FAM234B: variants seen among roughly 807,000 people sequenced by gnomAD.
FAM234B encodes protein FAM234B.
A neutral mutation model predicts 69.3 loss-of-function variants in FAM234B; 33 were observed. The ratio of observed to expected loss-of-function variants is 0.48; its 90% confidence interval spans 0.36 to 0.64. FAM234B has a LOEUF of 0.64. Among genes scored for constraint, FAM234B ranks in the 30% least tolerant of loss-of-function variants. FAM234B has a pLI of 0.00. For missense variants in FAM234B, 697 were observed against 769.7 expected (o/e 0.91, Z 1.12); for synonymous variants, 306 against 306.9 (o/e 1.00, Z 0.03).
Position 13,055,810 on chromosome 12 carries a change from G to A in FAM234B, c.297G>A (p.Val99=). ...GLEQKAASSL[V]SYVRTSVFLL... is the part of the protein sequence containing the mutation. ...AACAGAAGGCGGCCTCCTCCCTGGT[G>A]TCATATGTGCGCACGTCTGTCTTCC... is the stretch of plus-strand genomic sequence containing the variant. The change falls in exon 2 of 13, where the codon GTG becomes GTA. Residue 99 remains valine, a synonymous_variant. Coordinates refer to ENST00000197268, the MANE Select transcript of FAM234B (RefSeq NM_020853.2). 3 of 1,614,172 alleles carry A rather than the reference G, an allele frequency of 1.9e-6. No individual in the cohort carries two copies. The highest frequency in any genetic ancestry group is 1.7e-5 in the Admixed American group (1 of 60,022).
At position 13,082,413 on chromosome 12, in the gene FAM234B, G is replaced by C. The variant is rs982841171; in HGVS notation, c.*1783G>C. On this transcript the variant is annotated 3_prime_UTR_variant, in exon 13 of 13. Coordinates refer to ENST00000197268, the MANE Select transcript of FAM234B (RefSeq NM_020853.2). ...GTAGATCCAAGCATGCATGTTGCCT[G>C]GCCTGTAGATTGGCCTTATCAGGTT... 1 of 152,180 alleles carries C rather than the reference G, an allele frequency of 6.6e-6. No individual in the cohort carries two copies. The highest frequency in any genetic ancestry group is 2.4e-5 in the African/African-American group (1 of 41,440). 9.4% of individuals were successfully genotyped at this position (152,180 alleles called of 1,614,324 possible).
rs1408568327 is a variant in FAM234B at position 13,082,448 on chromosome 12, C to G, written c.*1818C>G. 1 of 152,164 alleles carries G rather than the reference C, an allele frequency of 6.6e-6. No individual in the cohort carries two copies. Among genetic ancestry groups the G allele is most frequent in the Non-Finnish European group, 1.5e-5 (1 of 68,028 alleles). 9.4% of individuals were successfully genotyped at this position (152,164 alleles called of 1,614,324 possible). ...TTGGCCTTATCAGGTTTCTGGGTGC[C>G]TCTGCCTTAAGATCCTGAAGGCAAA... On this transcript the variant is annotated 3_prime_UTR_variant, in exon 13 of 13. Transcript: ENST00000197268.
intron 1 of FAM234B, among the ~76,000 whole-genome samples, chr12:13,049,932 T>C (rs1864857355): frequency 6.6e-6 from 1 of 152,210 alleles, no homozygotes; most frequent in Admixed American, 6.5e-5. Flanking sequence ...GGGCGGTTGT[T>C]TGACAGCCTG....
intron 3 of FAM234B, 51 bp downstream of exon 3, chr12:13,058,600 A>G (rs757139265): frequency 1.4e-6 from 2 of 1,441,562 alleles, no homozygotes; most frequent in Non-Finnish European, 2.0e-6. Flanking sequence ...GTCAGCTAGG[A>G]GAAAACATCA....
intron 7 of FAM234B, 91 bp from the exon 8 acceptor site, chr12:13,068,213 G>T: frequency 3.2e-6 from 4 of 1,254,852 alleles, no homozygotes; most frequent in South Asian, 2.6e-5. Flanking sequence ...GTGTGTACAG[G>T]TGTACGTATA....
chr12:13,059,193 G>A (rs1000842331), intron 3 of FAM234B, among the ~76,000 whole-genome samples: 9 of 152,206 alleles, frequency 5.9e-5, no homozygotes, highest in African/African-American at 2.2e-4. Flanking sequence ...CCCCGCCGGG[G>A]TCACTGCAGA....
At chr12:13,080,106 T>C (rs1865208298) in intron 12 of FAM234B, 97 bp downstream of exon 12, 3 of 865,658 alleles carry the variant, frequency 3.5e-6, no homozygotes, top group African/African-American at 3.4e-5. Context: ...TGGGGAACTT[T>C]CTTGAGTAGA....
rs764989132 is a variant in FAM234B, at chr12:13,055,654, C to G, written c.141C>G (p.Val47=). The G allele has an allele frequency of 6.2e-7, 1 of 1,614,126 alleles. No homozygotes were observed. The part of the protein sequence containing the change: ...LVLNLQKNGG[V]KNGKSPLGEA... Reference sequence around the variant, plus strand: ...TTAACCTGCAGAAGAATGGAGGGGTCAAAAATGGGAAGAGTCCTTTGGGAG... The same window carrying G: ...TTAACCTGCAGAAGAATGGAGGGGTGAAAAATGGGAAGAGTCCTTTGGGAG... Residue 47 remains valine (V), a synonymous_variant, in exon 2 of 13, where the codon GTC becomes GTG. Coordinates refer to ENST00000197268, the MANE Select transcript of FAM234B (RefSeq NM_020853.2).
intron 2 of FAM234B, 118 bp from the exon 3 acceptor site, chr12:13,058,333 T>C (rs1864952616): frequency 2.6e-6 from 2 of 774,710 alleles, no homozygotes; most frequent in Middle Eastern, 2.3e-4. Context: ...GAGAGGTGTG[T>C]CTACTATACC....
chr12:13,063,902 A>G (rs747699408), intron 5 of FAM234B, among the ~76,000 whole-genome samples: 21 of 152,214 alleles, frequency 1.4e-4, no homozygotes, highest in Admixed American at 1.3e-3. Context: ...TCATTTGATA[A>G]CCTATTTTAA....
At chr12:13,052,729 TG>T (rs11286050) in intron 1 of FAM234B, among the ~76,000 whole-genome samples, 35,966 of 152,086 alleles carry the variant, frequency 0.24, 5,149 homozygotes, top group East Asian at 0.52. Flanking sequence ...TTTAGCGTAA[TG>T]TCCTCAAGGT....
intron 2 of FAM234B, among the ~76,000 whole-genome samples, chr12:13,056,796 G>A (rs1307490530): frequency 6.6e-6 from 1 of 152,110 alleles, no homozygotes; most frequent in Non-Finnish European, 1.5e-5. Context: ...TCTCTTGTGT[G>A]TCCCTCCTGA....
intron 11 of FAM234B, among the ~76,000 whole-genome samples, chr12:13,078,634 A>G (rs11055231): frequency 0.32 from 48,626 of 152,032 alleles, 8,719 homozygotes; most frequent in South Asian, 0.48. Context: ...GCATATCTAG[A>G]AAACCCCATT....
chr12:13,068,212 G>C, intron 7 of FAM234B, 92 bp from the exon 8 acceptor site: 1 of 1,247,256 alleles, frequency 8.0e-7, no homozygotes, highest in Non-Finnish European at 1.2e-6. Context: ...AGTGTGTACA[G>C]GTGTACGTAT....
In FAM234B at chr12:13,055,695, A is replaced by C; in HGVS notation, c.182A>C (p.Asp61Ala). 1 of 1,614,216 alleles carries C rather than the reference A, an allele frequency of 6.2e-7. No homozygotes were observed. Among genetic ancestry groups the C allele is most frequent in the Non-Finnish European group, 8.5e-7 (1 of 1,180,042 alleles). Residue 61 changes from aspartate (D) to alanine (A), a missense_variant, in exon 2 of 13, where the codon GAC becomes GCC. Transcript: ENST00000197268. ...KSPLGEAPEP[D>A]SDAEVAEAAK... ...CCTTTGGGAGAAGCGCCAGAACCCG[A>C]CTCAGATGCTGAGGTTGCAGAGGCT...
At chr12:13,075,157 T>C (rs924304743) in intron 10 of FAM234B, among the ~76,000 whole-genome samples, 2 of 152,254 alleles carry the variant, frequency 1.3e-5, no homozygotes, top group Non-Finnish European at 2.9e-5. Context: ...TTTTGTTTTA[T>C]AATTGATGAT....
rs369926952 is a variant in FAM234B, at chr12:13,066,431, G to T, written c.853-209G>T. Among the ~76,000 whole-genome samples, 125 of 152,306 alleles carry T rather than the reference G, an allele frequency of 8.2e-4. 3 individuals are homozygous for T. The South Asian group carries it at 0.025, about 30-fold the overall frequency. On this transcript the variant is annotated intron_variant, in intron 5 of 12. Coordinates refer to ENST00000197268, the MANE Select transcript of FAM234B (RefSeq NM_020853.2). The stretch of plus-strand genomic sequence containing the variant: ...CTGAGGTGCTTTGAAGATGCCCTTT[G>T]CCTGGCTCTAGTGAGGCAATGGGAC...
Position 13,080,613 on chromosome 12 carries a change from C to T in FAM234B, c.1864-12C>T. 1 of 1,604,074 alleles carries T rather than the reference C, an allele frequency of 6.2e-7. No individual in the cohort carries two copies. Among genetic ancestry groups the T allele is most frequent in the Non-Finnish European group, 8.5e-7 (1 of 1,171,046 alleles). On this transcript the variant is annotated splice_polypyrimidine_tract_variant and intron_variant, in intron 12 of 12. Coordinates refer to ENST00000197268, the MANE Select transcript of FAM234B (RefSeq NM_020853.2). Reference sequence around the variant, plus strand: ...GAAAAACAATAAAGTCACGATAACTCTTTTTCCATAGATCTAATCTGATGG... The same window carrying T: ...GAAAAACAATAAAGTCACGATAACTTTTTTTCCATAGATCTAATCTGATGG...
At chr12:13,053,504 C>T (rs1012866090) in intron 1 of FAM234B, among the ~76,000 whole-genome samples, 26 of 152,064 alleles carry the variant, frequency 1.7e-4, no homozygotes, top group African/African-American at 4.1e-4. Flanking sequence ...CATCACATAT[C>T]GGTAGGTCCG....
Sources: gnomAD v4.1 joint callset for allele counts (sites outside exome capture counted in the v4.1 genomes callset) on GRCh38, gnomAD v4.1.1 for gene constraint, MANE v1.5 for transcripts, NCBI Gene and HGNC (gene_info 2026-07-23, HGNC 2026-07-21) for gene names.